Variants in CABIN1 observed in about 807,000 individuals in gnomAD.
The protein encoded by CABIN1 is calcineurin binding protein 1, also known as calcineurin-binding protein cabin-1.
Under a neutral mutation model 227.7 loss-of-function variants are expected in CABIN1, and 133 were observed. The observed-to-expected ratio is 0.58, with a 90% CI of 0.51 to 0.67. The LOEUF (loss-of-function observed/expected upper bound fraction) is 0.67, where lower values mean the gene tolerates loss of function less well. Among genes scored for constraint, CABIN1 ranks in the 30% least tolerant of loss-of-function variants. The pLI is 0.00. For missense variants in CABIN1, 2,408 were observed against 2,852.5 expected, an observed-to-expected ratio of 0.84 and a Z score of 3.55; for synonymous variants, 1,086 against 1,155.1, an observed-to-expected ratio of 0.94 and a Z score of 1.21.
rs1168538950 is a variant in CABIN1, at chr22:24,147,339, CCCTCCCTG to C, written c.4746+12932_4746+12939del. ...TCCCTCCCTCCCTCCTCTCCTCCCT[CCCTCCCTG>C]CCTCCCTCCCTCCCTGCTTCCCTGC... On this transcript the variant is annotated intron_variant, in intron 29 of 36. Transcript: ENST00000263119. Among the ~76,000 whole-genome samples, 6 of 130,566 alleles carry C rather than the reference CCCTCCCTG, an allele frequency of 4.6e-5. No individual in the cohort carries two copies. In the South Asian group the frequency reaches 8.5e-4, roughly 18 times the overall value. 85.7% of individuals were successfully genotyped at this position (130,566 alleles called of 152,430 possible).
chr22:24,098,160 G>A lies in CABIN1; in HGVS notation c.4085G>A (p.Cys1362Tyr). The A allele has an allele frequency of 6.2e-7, 1 of 1,614,150 alleles. No individual in the cohort carries two copies. The highest frequency in any genetic ancestry group is 8.5e-7 in the Non-Finnish European group (1 of 1,180,032). ...CCGATTGACCACGATTACGTCAAAT[G>A]TAAAAAACCCCACCAGCAGGCAACG... ...ATPIDHDYVK[C>Y]KKPHQQATPD... Residue 1362 changes from cysteine to tyrosine, a missense_variant, in exon 26 of 37, where the codon TGT becomes TAT. Cys to Tyr is a radical substitution (Grantham distance 194). Transcript: ENST00000263119.
chr22:24,043,213 C>T, intron 6 of CABIN1, 129 bp downstream of exon 6: 1 of 694,568 alleles, frequency 1.4e-6, no homozygotes, highest in Non-Finnish European at 2.5e-6. Flanking sequence ...GGGAGAATGG[C>T]AATGTTCTTA....
intron 6 of CABIN1, among the ~76,000 whole-genome samples, chr22:24,046,738 A>G (rs1325928065): frequency 1.3e-5 from 2 of 152,200 alleles, no homozygotes; most frequent in Admixed American, 1.3e-4. Flanking sequence ...CAAGATTTAC[A>G]GGGTGAGTCA....
chr22:24,035,133 CT>C (rs1166852087), intron 1 of CABIN1, among the ~76,000 whole-genome samples: 8 of 152,182 alleles, frequency 5.3e-5, no homozygotes, highest in Non-Finnish European at 1.5e-5. Flanking sequence ...GCCTGTGTTT[CT>C]TTTCGTATCA....
chr22:24,158,763 G>T (rs958054912), intron 29 of CABIN1, among the ~76,000 whole-genome samples: 4 of 152,038 alleles, frequency 2.6e-5, no homozygotes, highest in African/African-American at 9.7e-5. Context: ...CTTCTCTCCT[G>T]TCCCCTCACC....
chr22:24,110,163 G>T (rs531973774), intron 26 of CABIN1, among the ~76,000 whole-genome samples: 1 of 152,130 alleles, frequency 6.6e-6, no homozygotes, highest in African/African-American at 2.4e-5. Flanking sequence ...ACAAGACCCT[G>T]TCTCAAAAAA....
Position 24,119,688 on chromosome 22 carries a change from A to G in CABIN1, c.4622A>G (p.Lys1541Arg). ...CTGGCCTTCCTCTACACCTACAGCA[A>G]GACCCACCGGGTGAGTGGCTGCCGG... ...YRLAFLYTYS[K>R]THRNLQWARD... The change falls in exon 28 of 37, where the codon AAG becomes AGG. Residue 1541 changes from lysine (K) to arginine (R), a missense_variant. Lys to Arg is a conservative substitution (Grantham distance 26). This residue lies in a region of CABIN1 where 649 missense variants were observed against 910.3 expected (regional missense o/e 0.71). Coordinates refer to ENST00000263119, the MANE Select transcript of CABIN1 (RefSeq NM_012295.4). The G allele has an allele frequency of 6.2e-7, 1 of 1,613,970 alleles. No individual in the cohort carries two copies. The highest frequency in any genetic ancestry group is 8.5e-7 in the Non-Finnish European group (1 of 1,180,032).
chr22:24,072,621 CCT>C, intron 18 of CABIN1, 111 bp downstream of exon 18: 1 of 1,264,102 alleles, frequency 7.9e-7, no homozygotes, highest in South Asian at 1.3e-5. Flanking sequence ...GGGGCTCAGT[CCT>C]CTCAATCCCA....
intron 15 of CABIN1, 103 bp downstream of exon 15, chr22:24,064,290 A>T: frequency 8.0e-6 from 10 of 1,254,330 alleles, no homozygotes; most frequent in Non-Finnish European, 1.1e-5. Context: ...ACTGCAACCT[A>T]CACCTCTGGG....
chr22:24,074,790 G>A (rs143288878), intron 18 of CABIN1, among the ~76,000 whole-genome samples: 328 of 152,288 alleles, frequency 2.2e-3, no homozygotes, highest in Admixed American at 4.1e-3. Context: ...AAGGAAAATC[G>A]TAGAACTGAG....
In CABIN1 at chr22:24,084,957, C is replaced by A. The variant is rs376059955; in HGVS notation, c.3118-49C>A. 672 of 1,612,064 alleles carry A rather than the reference C, an allele frequency of 4.2e-4. 5 individuals carry two copies. Among genetic ancestry groups the A allele is most frequent in the South Asian group, 4.3e-4 (39 of 91,018 alleles). On this transcript the variant is annotated intron_variant, in intron 21 of 36. Coordinates refer to ENST00000263119, the MANE Select transcript of CABIN1 (RefSeq NM_012295.4). ...ACAGTCCTGGGTTTACTGGTCACAT[C>A]TGAGTCCTTGACTCCACCTCCCCTC...
intron 8 of CABIN1, 115 bp from the exon 9 acceptor site, chr22:24,054,758 C>A: frequency 7.7e-7 from 1 of 1,303,746 alleles, no homozygotes; most frequent in Non-Finnish European, 1.1e-6. Flanking sequence ...CCCCCATGGA[C>A]ATGGCAGCTC....
At chr22:24,092,420 G>A (rs771232797) in intron 24 of CABIN1, among the ~76,000 whole-genome samples, 55 of 152,100 alleles carry the variant, frequency 3.6e-4, no homozygotes, top group Admixed American at 1.1e-3. Flanking sequence ...GTTGCTTATA[G>A]CAGTCTTGTG....
chr22:24,093,091 T>C (rs1188112780), intron 24 of CABIN1, among the ~76,000 whole-genome samples: 1 of 152,170 alleles, frequency 6.6e-6, no homozygotes, highest in Non-Finnish European at 1.5e-5. Flanking sequence ...CATGAGTATT[T>C]CCAAGGACTA....
intron 4 of CABIN1, among the ~76,000 whole-genome samples, chr22:24,038,715 T>C (rs2037123651): frequency 6.6e-6 from 1 of 152,250 alleles, no homozygotes; most frequent in African/African-American, 2.4e-5. Flanking sequence ...GCTATCGTTA[T>C]TACTTAATCT....
chr22:24,115,988 C>T (rs956790717), intron 27 of CABIN1, among the ~76,000 whole-genome samples: 2 of 152,220 alleles, frequency 1.3e-5, no homozygotes, highest in Non-Finnish European at 2.9e-5. Context: ...CACATCCTGC[C>T]TGGCATGAGA....
Position 24,070,783 on chromosome 22 carries a change from G to C in CABIN1, c.2233-17G>C. On this transcript the variant is annotated splice_polypyrimidine_tract_variant and intron_variant, in intron 16 of 36. Coordinates refer to ENST00000263119, the MANE Select transcript of CABIN1 (RefSeq NM_012295.4). ...CTGAGCTCACCGTGCACTTCACCTG[G>C]CTTCTTGCTGTACTAGGACTCCTTG... 6.2e-7 allele frequency: 1 copy of C among 1,614,108 alleles called. No homozygotes were observed. Among genetic ancestry groups the C allele is most frequent in the Non-Finnish European group, 8.5e-7 (1 of 1,180,018 alleles).
At chr22:24,030,197 A>T (rs533948610) in intron 1 of CABIN1, among the ~76,000 whole-genome samples, 1 of 152,358 alleles carries the variant, frequency 6.6e-6, no homozygotes, top group South Asian at 2.1e-4. Context: ...CTTGCAGGGC[A>T]TCAGTTGTGG....
intron 19 of CABIN1, among the ~76,000 whole-genome samples, chr22:24,078,184 T>C (rs1003080478): frequency 6.6e-6 from 1 of 152,148 alleles, no homozygotes; most frequent in African/African-American, 2.4e-5. Context: ...ACCATTTGTT[T>C]CTGTCATGTG....
Sources: allele counts gnomAD v4.1 joint callset (sites outside exome capture counted in the v4.1 genomes callset), GRCh38; gene constraint gnomAD v4.1.1; regional missense constraint gnomAD v4.1.1; transcripts MANE v1.5; gene names NCBI Gene and HGNC (gene_info 2026-07-23, HGNC 2026-07-21).